The following C8B variants were observed in gnomAD, a reference collection of about 807,000 sequenced individuals.
C8B encodes complement C8 beta chain, also known as complement component C8 beta chain.
C8B carries 67 observed loss-of-function variants against 64.6 expected under a neutral mutation model. The observed-to-expected ratio is 1.04, with a 90% CI of 0.85 to 1.27. The LOEUF (loss-of-function observed/expected upper bound fraction) is 1.27, where lower values mean the gene tolerates loss of function less well. Among genes scored for constraint, C8B ranks in the 50% most tolerant of loss-of-function variants. The probability of loss-of-function intolerance (pLI) is 0.00; values close to 1 mark genes in which losing one functional copy is unlikely to be tolerated. For missense variants in C8B, 790 were observed against 725.2 expected (o/e 1.09, Z -1.03); for synonymous variants, 284 against 257.7 (o/e 1.10, Z -0.98).
intron 1 of C8B, among the ~76,000 whole-genome samples, chr1:56,963,422 G>C (rs995043526): frequency 6.6e-6 from 1 of 152,234 alleles, no homozygotes; most frequent in Non-Finnish European, 1.5e-5. Context: ...TTGCTAGAAG[G>C]GGCAGCTTCT....
At chr1:56,962,125 A>G (rs1309253106) in intron 1 of C8B, among the ~76,000 whole-genome samples, 1 of 152,214 alleles carries the variant, frequency 6.6e-6, no homozygotes, top group East Asian at 1.9e-4. Context: ...TAATGTACAC[A>G]CTAGCTATTA....
rs1645034739 is a variant in C8B, at chr1:56,952,297, A to T, written c.534-117T>A. On this transcript the variant is annotated intron_variant, in intron 4 of 11. Coordinates refer to ENST00000371237, the MANE Select transcript of C8B (RefSeq NM_000066.4). ...CTTGGCACAGCCTTCAAGGCCCTTG[A>T]TACCTGGTCCAAGCCAGCTTTCCAG... 7 of 1,398,906 alleles carry T rather than the reference A, an allele frequency of 5.0e-6. No individual in the cohort carries two copies. In the Admixed American group the frequency reaches 6.7e-5, roughly 13 times the overall value. The allele number at this position is 1,398,906 out of a possible 1,614,324, so 86.7% of individuals were successfully genotyped here.
chr1:56,929,670 G>A, intron 11 of C8B, 112 bp from the exon 12 acceptor site: 1 of 955,528 alleles, frequency 1.0e-6, no homozygotes. Context: ...GAATCTCTGA[G>A]CTCCCTGCTG....
intron 11 of C8B, chr1:56,931,556 A>G: frequency 2.3e-6 from 1 of 430,526 alleles, no homozygotes; most frequent in Non-Finnish European, 4.4e-6. Flanking sequence ...TGATCCAAAG[A>G]GATGGCTTAC....
chr1:56,941,650 C>T (rs1644866456), intron 8 of C8B, among the ~76,000 whole-genome samples: 1 of 152,144 alleles, frequency 6.6e-6, no homozygotes, highest in African/African-American at 2.4e-5. Context: ...TTTAGGAGCC[C>T]AGCATTATTA....
chr1:56,948,125 T>A (rs1175702941), intron 6 of C8B, among the ~76,000 whole-genome samples: 2 of 151,976 alleles, frequency 1.3e-5, no homozygotes, highest in Non-Finnish European at 2.9e-5. Flanking sequence ...GCAATTTGAA[T>A]CAGGGAGCTG....
At chr1:56,934,412 T>A (rs1311159111) in intron 9 of C8B, among the ~76,000 whole-genome samples, 1 of 152,094 alleles carries the variant, frequency 6.6e-6, no homozygotes, top group African/African-American at 2.4e-5. Flanking sequence ...GACGGAGAAG[T>A]CACAGATAGA....
intron 8 of C8B, 67 bp from the exon 9 acceptor site, chr1:56,941,079 C>T: frequency 6.4e-7 from 1 of 1,564,176 alleles, no homozygotes; most frequent in East Asian, 2.3e-5. Flanking sequence ...TTGCTGCAAC[C>T]CAACCAACAA....
At chr1:56,930,695 C>T (rs990658554) in intron 11 of C8B, among the ~76,000 whole-genome samples, 1 of 152,178 alleles carries the variant, frequency 6.6e-6, no homozygotes, top group African/African-American at 2.4e-5. Context: ...GTTAGTGACC[C>T]ATTGAACCTC....
In C8B at chr1:56,964,505, C is replaced by G. The variant is rs181938104; in HGVS notation, c.92+1352G>C. Among the ~76,000 whole-genome samples the G allele has an allele frequency of 4.6e-5, 7 of 152,284 alleles. No homozygotes were observed. The East Asian group carries it at 1.4e-3, about 29-fold the overall frequency. On this transcript the variant is annotated intron_variant, in intron 1 of 11. Transcript: ENST00000371237. The stretch of plus-strand genomic sequence containing the variant: ...GCTCTCTCACACTCACGCACCGTTG[C>G]CTGTGCTGCTCCCTCTACCTGGCAC...
intron 11 of C8B, among the ~76,000 whole-genome samples, chr1:56,930,412 T>A (rs1207321476): frequency 6.6e-6 from 1 of 152,148 alleles, no homozygotes; most frequent in Non-Finnish European, 1.5e-5. Context: ...TAACTGGGCC[T>A]CTCCATTTGA....
At chr1:56,965,823 A>AT in intron 1 of C8B, 34 bp downstream of exon 1, 1 of 1,610,542 alleles carries the variant, frequency 6.2e-7, no homozygotes. Flanking sequence ...CTGTCATATT[A>AT]TTGATCAGGG....
At chr1:56,943,884 C>T (rs1644902838) in intron 7 of C8B, 60 bp from the exon 8 acceptor site, 2 of 1,600,048 alleles carry the variant, frequency 1.2e-6, no homozygotes, top group South Asian at 2.2e-5. Context: ...GTCCCTTTTC[C>T]TATGATCGAG....
rs1272063318 is a variant in C8B, at chr1:56,941,000, C to G, written c.1247G>C (p.Arg416Thr). The G allele has an allele frequency of 1.2e-6, 2 of 1,614,044 alleles. No individual in the cohort carries two copies. The highest frequency in any genetic ancestry group is 1.7e-6 in the Non-Finnish European group (2 of 1,179,996). ...ILNEIKDRNK[R>T]DTMVEDLVVL... Reference sequence around the variant, plus strand: ...CACCAAGTCCTCCACCATGGTGTCCCTCTTGTTTCTGTCTGGAATGGACAC... The same window carrying G: ...CACCAAGTCCTCCACCATGGTGTCCGTCTTGTTTCTGTCTGGAATGGACAC... The change falls in exon 9 of 12, where the codon AGG (arginine) becomes ACG (threonine). Residue 416 changes from arginine to threonine, a missense_variant. Physicochemically the swap from Arg to Thr is moderately conservative, Grantham distance 71. Coordinates refer to ENST00000371237, the MANE Select transcript of C8B (RefSeq NM_000066.4).
At chr1:56,965,445 C>A (rs1339671709) in intron 1 of C8B, among the ~76,000 whole-genome samples, 1 of 143,058 alleles carries the variant, frequency 7.0e-6, no homozygotes, top group Non-Finnish European at 1.5e-5. Flanking sequence ...TGGGAAAGAA[C>A]CTGAGAATCT....
At position 56,940,883 on chromosome 1, in the gene C8B, G is replaced by T. The variant is rs41285942; in HGVS notation, c.1364C>A (p.Ala455Asp). 1 of 1,614,030 alleles carries T rather than the reference G, an allele frequency of 6.2e-7. No homozygotes were observed. Residue 455 changes from alanine to aspartate, a missense_variant, in exon 9 of 12, where the codon GCT becomes GAT. Transcript: ENST00000371237. ...GATGATGGCTGGGTTGTACTGCACA[G>T]CGTCTCCCCACTCCTGCATCAGGTC... ...TADLMQEWGD[A>D]VQYNPAIIKV...
chr1:56,954,720 C>T lies in C8B; in HGVS notation c.499G>A (p.Asp167Asn). ...AGACTGCCAATTCCCCAGTATTGGTCCATTTCATGCTGACATTTTTTATAA... is the reference window on the plus strand; with the variant it reads ...AGACTGCCAATTCCCCAGTATTGGTTCATTTCATGCTGACATTTTTTATAA... ...RIYKKCQHEMDQYWGIGSLAS... is the reference protein window; with the variant it reads ...RIYKKCQHEMNQYWGIGSLAS... Residue 167 changes from aspartate to asparagine, a missense_variant, in exon 4 of 12, where the codon GAC becomes AAC. Coordinates refer to ENST00000371237, the MANE Select transcript of C8B (RefSeq NM_000066.4). 6.2e-7 allele frequency: 1 copy of T among 1,614,158 alleles called. No homozygotes were observed. Among genetic ancestry groups the T allele is most frequent in the South Asian group, 1.1e-5 (1 of 91,080 alleles).
intron 1 of C8B, chr1:56,963,876 C>A: frequency 1.0e-6 from 1 of 985,380 alleles, no homozygotes; most frequent in Non-Finnish European, 1.2e-6. Flanking sequence ...CATCATCTGA[C>A]TTGATTACAA....
chr1:56,953,061 G>T lies in C8B; in HGVS notation c.534-881C>A, dbSNP rs34272768. 3.3e-3 allele frequency among the ~76,000 whole-genome samples: 497 copies of T among 152,240 alleles called. 6 individuals are homozygous for T. The highest frequency in any genetic ancestry group is 0.025 in the South Asian group (122 of 4,822). On this transcript the variant is annotated intron_variant, in intron 4 of 11. Transcript: ENST00000371237. ...GACAAACACAGCAGTGGGTAGCTAC[G>T]TGCATCATCTCATTAGTGTCCCTGC... is the stretch of plus-strand genomic sequence containing the variant.
Sources: allele counts gnomAD v4.1 joint callset (sites outside exome capture counted in the v4.1 genomes callset), GRCh38; gene constraint gnomAD v4.1.1; transcripts MANE v1.5; gene names NCBI Gene and HGNC (gene_info 2026-07-23, HGNC 2026-07-21).